PDE4D: variants seen among roughly 807,000 people sequenced by gnomAD.
PDE4D encodes the protein phosphodiesterase 4D.
PDE4D carries 24 observed loss-of-function variants against 87.4 expected under a neutral mutation model. The observed-to-expected ratio is 0.27, with a 90% confidence interval of 0.20 to 0.39. The LOEUF is 0.39. Ranked by LOEUF, PDE4D falls within the 10% of genes least tolerant of loss-of-function variation. PDE4D has a pLI of 1.00. For synonymous variants in PDE4D, 384 were observed against 383.2 expected, an observed-to-expected ratio of 1.00 and a Z score of -0.02; for missense variants, 714 against 1,041.0, an observed-to-expected ratio of 0.69 and a Z score of 4.32.
chr5:60,051,334 A>C (rs747261051), intron 2 of PDE4D, among the ~76,000 whole-genome samples: 17 of 152,222 alleles, frequency 1.1e-4, no homozygotes, highest in Non-Finnish European at 2.2e-4. Flanking sequence ...AAATCATAAC[A>C]AACAGTCTCT....
chr5:60,484,092 C>T (rs1748941219), intron 1 of PDE4D, among the ~76,000 whole-genome samples: 1 of 151,946 alleles, frequency 6.6e-6, no homozygotes, highest in African/African-American at 2.4e-5. Flanking sequence ...TTCATTGCAT[C>T]CCTGAGATGA....
At chr5:59,456,864 T>G (rs963880092) in intron 1 of PDE4D, among the ~76,000 whole-genome samples, 2 of 152,144 alleles carry the variant, frequency 1.3e-5, no homozygotes, top group East Asian at 3.9e-4. Flanking sequence ...AGAACAAGCA[T>G]TGGAAGTGGA....
chr5:59,587,310 C>A, intron 1 of PDE4D: 1 of 424,988 alleles, frequency 2.4e-6, no homozygotes, highest in Non-Finnish European at 3.1e-6. Flanking sequence ...TCTAAGAATT[C>A]TTCCCCCGAT....
chr5:60,237,852 C>G (rs1746602267), intron 1 of PDE4D, among the ~76,000 whole-genome samples: 1 of 151,906 alleles, frequency 6.6e-6, no homozygotes, highest in Non-Finnish European at 1.5e-5. Context: ...CAGGACATAT[C>G]TGTACAATTT....
intron 1 of PDE4D, among the ~76,000 whole-genome samples, chr5:59,646,495 C>G (rs2150216215): frequency 6.6e-6 from 1 of 152,214 alleles, no homozygotes; most frequent in East Asian, 1.9e-4. Context: ...CTTGATTACA[C>G]TAAAAATTTA....
intron 1 of PDE4D, among the ~76,000 whole-genome samples, chr5:60,462,836 G>A (rs993143148): frequency 6.6e-6 from 1 of 152,202 alleles, no homozygotes; most frequent in Non-Finnish European, 1.5e-5. Context: ...ATTAGAGAGT[G>A]TTTGTGTTTG....
At chr5:60,227,145 C>G (rs1745211995) in intron 1 of PDE4D, among the ~76,000 whole-genome samples, 1 of 151,910 alleles carries the variant, frequency 6.6e-6, no homozygotes, top group Non-Finnish European at 1.5e-5. Flanking sequence ...TAAAGTTTCC[C>G]CAATCAGTCA....
At chr5:59,625,325 TC>T (rs1830776382) in intron 1 of PDE4D, among the ~76,000 whole-genome samples, 1 of 152,210 alleles carries the variant, frequency 6.6e-6, no homozygotes, top group Non-Finnish European at 1.5e-5. Flanking sequence ...GGGATTTCTA[TC>T]CTATAATTGC....
chr5:59,481,443 T>C lies in PDE4D; in HGVS notation c.456-265475A>G, dbSNP rs981869953. Among the ~76,000 whole-genome samples the C allele has an allele frequency of 2.6e-5, 4 of 151,872 alleles. 1 individual carries two copies. Among genetic ancestry groups the C allele is most frequent in the Admixed American group, 2.6e-4 (4 of 15,236 alleles). On this transcript the variant is annotated intron_variant, in intron 1 of 14. Transcript: ENST00000340635. ...TCACCCCTTAGCCATATGTCCTGAA[T>C]ATATCATTCACTTCTCTGAGACTCA...
At chr5:59,954,155 C>T (rs1435943987) in intron 3 of PDE4D, among the ~76,000 whole-genome samples, 2 of 152,192 alleles carry the variant, frequency 1.3e-5, no homozygotes, top group Non-Finnish European at 2.9e-5. Context: ...AACTCCTGAC[C>T]TCAGGTGATC....
At chr5:59,069,420 C>T (rs1409614381) in intron 5 of PDE4D, among the ~76,000 whole-genome samples, 1 of 152,132 alleles carries the variant, frequency 6.6e-6, no homozygotes, top group African/African-American at 2.4e-5. Context: ...TTCAGTGGTG[C>T]TCGTACCAGC....
intron 1 of PDE4D, among the ~76,000 whole-genome samples, chr5:59,834,326 G>A (rs1741688062): frequency 6.6e-6 from 1 of 152,018 alleles, no homozygotes; most frequent in Admixed American, 6.6e-5. Context: ...ACTGTAGGAA[G>A]GGAACATGCT....
intron 1 of PDE4D, among the ~76,000 whole-genome samples, chr5:59,305,355 T>C (rs1185551180): frequency 7.4e-6 from 1 of 134,356 alleles, no homozygotes; most frequent in Non-Finnish European, 1.5e-5. Context: ...TTTTGTTTCA[T>C]TTATTTATTT....
At chr5:59,502,169 T>C (rs1562294776) in intron 1 of PDE4D, among the ~76,000 whole-genome samples, 1 of 152,174 alleles carries the variant, frequency 6.6e-6, no homozygotes, top group Admixed American at 6.5e-5. Flanking sequence ...TAAAGTTTAT[T>C]ATTGAAAGGT....
At chr5:60,209,801 A>C (rs543802757) in intron 1 of PDE4D, among the ~76,000 whole-genome samples, 2 of 152,174 alleles carry the variant, frequency 1.3e-5, no homozygotes, top group South Asian at 4.1e-4. Context: ...CAAGTATAAA[A>C]TGGTTGTGTT....
At chr5:59,235,417 T>G (rs1756194103) in intron 1 of PDE4D, among the ~76,000 whole-genome samples, 1 of 152,184 alleles carries the variant, frequency 6.6e-6, no homozygotes, top group African/African-American at 2.4e-5. Context: ...CAATAAGTGA[T>G]GGGATTGGGA....
At chr5:60,038,442 C>T (rs1431969866) in intron 2 of PDE4D, among the ~76,000 whole-genome samples, 17 of 152,052 alleles carry the variant, frequency 1.1e-4, no homozygotes, top group African/African-American at 2.9e-4. Flanking sequence ...TGTAGATATG[C>T]GGCGTTATTT....
chr5:60,127,927 T>C (rs1253940260), intron 2 of PDE4D, among the ~76,000 whole-genome samples: 2 of 151,986 alleles, frequency 1.3e-5, no homozygotes, highest in Non-Finnish European at 2.9e-5. Context: ...CAACACTTAA[T>C]GGTCAAATAG....
chr5:60,290,957 G>C (rs1233601689), intron 1 of PDE4D, among the ~76,000 whole-genome samples: 1 of 152,200 alleles, frequency 6.6e-6, no homozygotes, highest in Non-Finnish European at 1.5e-5. Flanking sequence ...CAAATAGTAA[G>C]TGCTGTAACA....
Sources: gnomAD v4.1 joint callset for allele counts (sites outside exome capture counted in the v4.1 genomes callset) on GRCh38, gnomAD v4.1.1 for gene constraint, MANE v1.5 for transcripts, NCBI Gene and HGNC (gene_info 2026-07-23, HGNC 2026-07-21) for gene names.